The following CDH22 variants were observed in gnomAD, a reference collection of about 807,000 sequenced individuals.
CDH22 encodes the protein cadherin 22.
CDH22 carries 30 observed loss-of-function variants against 58.4 expected under a neutral mutation model. The observed-to-expected ratio is 0.51, with a 90% CI of 0.38 to 0.70. CDH22 has a LOEUF of 0.70. Ranked by LOEUF, CDH22 falls within the 30% of genes least tolerant of loss-of-function variation. The pLI, the probability that CDH22 is intolerant of heterozygous loss-of-function variation, is 0.00. For synonymous variants in CDH22, 513 were observed against 558.2 expected, an observed-to-expected ratio of 0.92 and a Z score of 1.14; for missense variants, 1,014 against 1,233.9, an observed-to-expected ratio of 0.82 and a Z score of 2.67.
At chr20:46,233,108 G>A (rs888981218) in intron 3 of CDH22, among the ~76,000 whole-genome samples, 10 of 152,178 alleles carry the variant, frequency 6.6e-5, no homozygotes, top group Admixed American at 5.9e-4. Context: ...CAGAGACAGA[G>A]GTACATATGG....
intron 1 of CDH22, among the ~76,000 whole-genome samples, chr20:46,305,839 C>G (rs1253224450): frequency 6.6e-6 from 1 of 152,246 alleles, no homozygotes; most frequent in South Asian, 2.1e-4. Flanking sequence ...AGCTATGGCC[C>G]GGCCCCCTGT....
intron 3 of CDH22, among the ~76,000 whole-genome samples, chr20:46,228,336 C>T (rs115443798): frequency 1.3e-5 from 2 of 152,298 alleles, no homozygotes; most frequent in Non-Finnish European, 2.9e-5. Context: ...AGACAGCCCA[C>T]CCCCAGACAC....
chr20:46,212,964 G>A (rs766317759), intron 6 of CDH22, 31 bp downstream of exon 6: 2 of 1,597,624 alleles, frequency 1.3e-6, no homozygotes. Context: ...CCTGAGGCCT[G>A]CCTCCCCCAT....
chr20:46,200,508 C>G (rs1263274545), intron 7 of CDH22, among the ~76,000 whole-genome samples: 1 of 149,558 alleles, frequency 6.7e-6, no homozygotes, highest in Non-Finnish European at 1.5e-5. Flanking sequence ...TCTCGAACTA[C>G]TGAGCTCAAG....
intron 1 of CDH22, among the ~76,000 whole-genome samples, chr20:46,284,040 C>A (rs2086563390): frequency 6.6e-6 from 1 of 152,056 alleles, no homozygotes; most frequent in Admixed American, 6.6e-5. Flanking sequence ...GGAAATTGTT[C>A]CAATGATTTT....
intron 1 of CDH22, among the ~76,000 whole-genome samples, chr20:46,281,426 A>G (rs561275944): frequency 4.7e-5 from 7 of 149,580 alleles, no homozygotes; most frequent in Non-Finnish European, 9.0e-5. Flanking sequence ...CCTGTGATGT[A>G]TATGAGGACG....
intron 1 of CDH22, among the ~76,000 whole-genome samples, chr20:46,296,174 G>A (rs2086628047): frequency 6.6e-6 from 1 of 152,210 alleles, no homozygotes; most frequent in South Asian, 2.1e-4. Flanking sequence ...TAAGAGAAGA[G>A]GCACCTGAGG....
intron 4 of CDH22, among the ~76,000 whole-genome samples, chr20:46,222,528 G>A (rs553436565): frequency 6.6e-6 from 1 of 152,358 alleles, no homozygotes; most frequent in Admixed American, 6.5e-5. Flanking sequence ...ATTTTCAGCA[G>A]AGATCTTGAA....
rs571495068 is a variant in CDH22 at position 46,195,666 on chromosome 20, C to T, written c.1423+3757G>A. On this transcript the variant is annotated intron_variant, in intron 8 of 11. Coordinates refer to ENST00000537909, the MANE Select transcript of CDH22 (RefSeq NM_021248.3). ...GACTGTCCCTTTACAACTGCCCTTT[C>T]CACCGAAGGATTCAGACACAAATTG... Among the ~76,000 whole-genome samples the T allele has an allele frequency of 2.7e-5, 4 of 149,508 alleles. No homozygotes were observed. The East Asian group carries it at 8.2e-4, about 30-fold the overall frequency.
In CDH22 at chr20:46,308,452, A is replaced by AGCGAGAGAGCGAGAGG; in HGVS notation, c.-598_-597insCCTCTCGCTCTCTCGC. On this transcript the variant is annotated 5_prime_UTR_variant, in exon 1 of 12. Coordinates refer to ENST00000537909, the MANE Select transcript of CDH22 (RefSeq NM_021248.3). The surrounding 1 kb of genome is among the most constrained non-coding windows in gnomAD (Gnocchi z 4.3). ...GAGCGAGAGAGCGAGAGAGCGAGAG[A>AGCGAGAGAGCGAGAGG]GCGAGGGAGTGAGCGAGCGAGCGGG... 4.6e-6 allele frequency: 1 copy of AGCGAGAGAGCGAGAGG among 217,910 alleles called. No homozygotes were observed. The highest frequency in any genetic ancestry group is 9.2e-6 in the Non-Finnish European group (1 of 108,528). The allele number at this position is 217,910 out of a possible 1,614,324, so 13.5% of individuals were successfully genotyped here.
intron 5 of CDH22, among the ~76,000 whole-genome samples, chr20:46,214,412 G>A (rs2086067627): frequency 6.6e-6 from 1 of 152,156 alleles, no homozygotes; most frequent in African/African-American, 2.4e-5. Flanking sequence ...TCCTCATACA[G>A]CAGCCGGGGT....
chr20:46,268,367 G>A (rs2086471941), intron 1 of CDH22, among the ~76,000 whole-genome samples: 1 of 152,256 alleles, frequency 6.6e-6, no homozygotes. Flanking sequence ...CTGCCTCGCA[G>A]CTCATCTCCC....
chr20:46,284,994 C>T (rs868449639), intron 1 of CDH22, among the ~76,000 whole-genome samples: 3 of 152,296 alleles, frequency 2.0e-5, no homozygotes, highest in African/African-American at 4.8e-5. Context: ...GGCTTTCCCC[C>T]GACCCCCAAC....
At chr20:46,274,405 C>A (rs2086507468) in intron 1 of CDH22, among the ~76,000 whole-genome samples, 1 of 152,200 alleles carries the variant, frequency 6.6e-6, no homozygotes, top group African/African-American at 2.4e-5. Context: ...TCTCCTTAAA[C>A]TCAGTGGATT....
At chr20:46,306,305 C>T (rs1260848417) in intron 1 of CDH22, among the ~76,000 whole-genome samples, 1 of 152,238 alleles carries the variant, frequency 6.6e-6, no homozygotes, top group African/African-American at 2.4e-5. Context: ...CTGGGTATAG[C>T]TTACCATGTG....
Position 46,227,493 on chromosome 20 carries a change from C to T in CDH22, c.670+15G>A, listed in dbSNP as rs769185477. 1.1e-5 allele frequency: 17 copies of T among 1,576,600 alleles called. No homozygotes were observed. In the Admixed American group the frequency reaches 2.8e-4, roughly 26 times the overall value. On this transcript the variant is annotated intron_variant, in intron 4 of 11. Coordinates refer to ENST00000537909, the MANE Select transcript of CDH22 (RefSeq NM_021248.3). ...CGCCCCACGGCTCCGCCTCTGGCCC[C>T]GCCCTGCCCCTCACCGGTCTTGGGG... is the stretch of plus-strand genomic sequence containing the variant.
intron 1 of CDH22, among the ~76,000 whole-genome samples, chr20:46,267,317 CG>C (rs1232875090): frequency 2.0e-5 from 3 of 152,168 alleles, no homozygotes; most frequent in Non-Finnish European, 4.4e-5. Flanking sequence ...TGCCCAGCCC[CG>C]AGCCAACTGC....
intron 8 of CDH22, among the ~76,000 whole-genome samples, chr20:46,196,983 G>T (rs1201392122): frequency 1.3e-5 from 2 of 152,134 alleles, no homozygotes; most frequent in Non-Finnish European, 2.9e-5. Flanking sequence ...CTCAGAGAAG[G>T]GGGGTCTCGA....
At chr20:46,283,400 C>T (rs1325901050) in intron 1 of CDH22, among the ~76,000 whole-genome samples, 1 of 152,144 alleles carries the variant, frequency 6.6e-6, no homozygotes, top group Admixed American at 6.5e-5. Context: ...CCCATCCGTA[C>T]ACTGCAGTAA....
Sources: allele counts gnomAD v4.1 joint callset (sites outside exome capture counted in the v4.1 genomes callset), GRCh38; gene constraint gnomAD v4.1.1; non-coding constraint Gnocchi (gnomAD v3.1); transcripts MANE v1.5; gene names NCBI Gene and HGNC (gene_info 2026-07-23, HGNC 2026-07-21).